The following NTM variants were observed in gnomAD, a reference collection of about 807,000 sequenced individuals.
The protein encoded by NTM is neurotrimin.
A neutral mutation model predicts 42.1 loss-of-function variants in NTM; 13 were observed. The observed-to-expected ratio is 0.31, with a 90% confidence interval of 0.20 to 0.49. NTM has a LOEUF of 0.49. Ranked by LOEUF, NTM falls within the 20% of genes least tolerant of loss-of-function variation. NTM has a pLI of 0.99. For missense variants in NTM, 373 were observed against 452.8 expected (o/e 0.82, Z 1.60); for synonymous variants, 187 against 179.2 (o/e 1.04, Z -0.35).
intron 2 of NTM, among the ~76,000 whole-genome samples, chr11:132,024,081 G>C (rs2074812247): frequency 6.6e-6 from 1 of 151,930 alleles, no homozygotes; most frequent in African/African-American, 2.4e-5. Context: ...GGCTCCCCAA[G>C]TGCTGGGATT....
At chr11:131,820,335 A>T (rs1051240059) in intron 1 of NTM, among the ~76,000 whole-genome samples, 3 of 152,132 alleles carry the variant, frequency 2.0e-5, no homozygotes, top group Non-Finnish European at 2.9e-5. Context: ...GTCCTCCAAG[A>T]TTCTGGGTAG....
chr11:131,434,043 C>A (rs189913362), intron 1 of NTM, among the ~76,000 whole-genome samples: 2 of 152,036 alleles, frequency 1.3e-5, no homozygotes, highest in African/African-American at 2.4e-5. Context: ...TGAGAACATG[C>A]GGTGTTTGGT....
At chr11:131,983,131 T>C (rs1230812978) in intron 2 of NTM, among the ~76,000 whole-genome samples, 3 of 151,840 alleles carry the variant, frequency 2.0e-5, no homozygotes, top group Non-Finnish European at 4.4e-5. Flanking sequence ...CTGCCTAATA[T>C]CTGAAAGTAG....
intron 2 of NTM, among the ~76,000 whole-genome samples, chr11:132,019,175 A>G (rs1170419533): frequency 1.4e-5 from 2 of 146,068 alleles, no homozygotes; most frequent in African/African-American, 2.7e-5. Context: ...TCATTCTCTT[A>G]TCATTATTAT....
chr11:131,648,047 C>T (rs144230357), intron 1 of NTM, among the ~76,000 whole-genome samples: 52 of 152,202 alleles, frequency 3.4e-4, no homozygotes, highest in African/African-American at 1.2e-3. Flanking sequence ...TCTGTGGTTC[C>T]CTTCTTTGTG....
intron 2 of NTM, among the ~76,000 whole-genome samples, chr11:132,022,945 A>T (rs1339577479): frequency 6.6e-6 from 1 of 152,180 alleles, no homozygotes; most frequent in African/African-American, 2.4e-5. Context: ...TAATGTGATA[A>T]ATGTTACTGT....
At chr11:131,550,926 A>G (rs2054580718) in intron 1 of NTM, among the ~76,000 whole-genome samples, 1 of 152,088 alleles carries the variant, frequency 6.6e-6, no homozygotes, top group South Asian at 2.1e-4. Flanking sequence ...AGTGTTACGT[A>G]GTTTGTTAAT....
intron 2 of NTM, among the ~76,000 whole-genome samples, chr11:132,041,324 G>C (rs1369652103): frequency 1.3e-5 from 2 of 151,572 alleles, no homozygotes; most frequent in African/African-American, 4.9e-5. Flanking sequence ...TTTTAAATTT[G>C]TAAGCAAGGT....
chr11:131,385,783 A>C (rs1041976496), intron 1 of NTM, among the ~76,000 whole-genome samples: 7 of 152,330 alleles, frequency 4.6e-5, no homozygotes, highest in African/African-American at 1.4e-4. Context: ...CCTTGAACCC[A>C]AAAATTCAAG....
intron 2 of NTM, among the ~76,000 whole-genome samples, chr11:131,941,442 C>T (rs12578082): frequency 0.095 from 14,501 of 152,122 alleles, 742 homozygotes; most frequent in East Asian, 0.21. Flanking sequence ...TGACCTTGGG[C>T]AAGTTACTTA....
chr11:132,190,603 G>T (rs1424812299), intron 3 of NTM, among the ~76,000 whole-genome samples: 1 of 152,006 alleles, frequency 6.6e-6, no homozygotes, highest in Non-Finnish European at 1.5e-5. Flanking sequence ...TGGCCGCGGT[G>T]GCAGGCTCCT....
At chr11:131,684,285 C>A (rs888604453) in intron 1 of NTM, among the ~76,000 whole-genome samples, 3 of 152,164 alleles carry the variant, frequency 2.0e-5, no homozygotes, top group African/African-American at 4.8e-5. Context: ...CCACAGCGAT[C>A]CAGGGAGGAT....
intron 1 of NTM, among the ~76,000 whole-genome samples, chr11:131,524,454 C>A (rs988791603): frequency 6.6e-6 from 1 of 152,236 alleles, no homozygotes; most frequent in African/African-American, 2.4e-5. Context: ...ATGTAATCCA[C>A]CTCTCAGCGA....
At chr11:131,619,530 C>T (rs902204754) in intron 1 of NTM, among the ~76,000 whole-genome samples, 1 of 152,164 alleles carries the variant, frequency 6.6e-6, no homozygotes, top group Admixed American at 6.5e-5. Context: ...TTTAGTACTA[C>T]GTTGCAGCAT....
chr11:131,430,167 A>G (rs1249656842), intron 1 of NTM, among the ~76,000 whole-genome samples: 1 of 152,246 alleles, frequency 6.6e-6, no homozygotes, highest in Non-Finnish European at 1.5e-5. Flanking sequence ...GCCATACAGA[A>G]TTATTTAATG....
chr11:132,088,034 C>T lies in NTM; in HGVS notation c.168-58248C>T, dbSNP rs559095125. 1.1e-4 allele frequency among the ~76,000 whole-genome samples: 16 copies of T among 152,326 alleles called. No homozygotes were observed. In the South Asian group the frequency reaches 2.1e-3, roughly 20 times the overall value. On this transcript the variant is annotated intron_variant, in intron 2 of 8. Coordinates refer to ENST00000683400, the MANE Select transcript of NTM (RefSeq NM_001352005.2). ...TAGACATGCAGTGGACACAGCCATG[C>T]ACCCCAGCCAAGAGGGAAGTGGGGC...
chr11:131,844,086 G>A (rs1305610548), intron 1 of NTM, among the ~76,000 whole-genome samples: 3 of 151,772 alleles, frequency 2.0e-5, no homozygotes, highest in South Asian at 4.2e-4. Context: ...GTTTGTGTTG[G>A]CATAAAAAAT....
chr11:131,521,060 C>T (rs1216793220), intron 1 of NTM, among the ~76,000 whole-genome samples: 5 of 151,926 alleles, frequency 3.3e-5, no homozygotes, highest in Admixed American at 3.3e-4. Flanking sequence ...CGTGGTGGCT[C>T]ATGCCTGTAA....
intron 4 of NTM, among the ~76,000 whole-genome samples, chr11:132,269,224 C>T (rs190478642): frequency 1.1e-4 from 17 of 152,274 alleles, no homozygotes; most frequent in East Asian, 1.9e-4. Flanking sequence ...CCGTCTGCTT[C>T]GTATGCATTC....
Sources: allele counts gnomAD v4.1 joint callset (sites outside exome capture counted in the v4.1 genomes callset), GRCh38; gene constraint gnomAD v4.1.1; transcripts MANE v1.5; gene names NCBI Gene and HGNC (gene_info 2026-07-23, HGNC 2026-07-21).